The following DYM variants were observed in gnomAD, a reference collection of about 807,000 sequenced individuals.
DYM encodes dymeclin.
Under a neutral mutation model 93.1 loss-of-function variants are expected in DYM, and 78 were observed. The observed-to-expected ratio is 0.84, with a 90% confidence interval of 0.70 to 1.01. DYM has a LOEUF of 1.01. DYM is among the 50% of genes least tolerant of loss of function. The probability of loss-of-function intolerance (pLI) is 0.00; values close to 1 mark genes in which losing one functional copy is unlikely to be tolerated. For synonymous variants in DYM, 321 were observed against 319.7 expected, an observed-to-expected ratio of 1.00 and a Z score of -0.04; for missense variants, 789 against 845.0, an observed-to-expected ratio of 0.93 and a Z score of 0.82.
intron 17 of DYM, among the ~76,000 whole-genome samples, chr18:49,044,690 G>A (rs1455392755): frequency 1.3e-5 from 2 of 152,220 alleles, no homozygotes; most frequent in African/African-American, 4.8e-5. Context: ...CCGGTGGAGG[G>A]GGGCTACTCT....
At chr18:49,154,337 T>C (rs2086144890) in intron 15 of DYM, among the ~76,000 whole-genome samples, 1 of 152,184 alleles carries the variant, frequency 6.6e-6, no homozygotes, top group African/African-American at 2.4e-5. Context: ...TGATAAATGT[T>C]ACATGATCAT....
intron 1 of DYM, among the ~76,000 whole-genome samples, chr18:49,455,032 T>C (rs2082863676): frequency 6.6e-6 from 1 of 151,436 alleles, no homozygotes; most frequent in Non-Finnish European, 1.5e-5. Context: ...TTCCACTCCT[T>C]AACCCACAAA....
chr18:49,121,180 C>T (rs2082345950), intron 15 of DYM, among the ~76,000 whole-genome samples: 1 of 152,132 alleles, frequency 6.6e-6, no homozygotes, highest in Non-Finnish European at 1.5e-5. Flanking sequence ...GGAATTTCAG[C>T]AGAGTTAAAA....
At chr18:49,320,014 C>T (rs574113039) in intron 8 of DYM, among the ~76,000 whole-genome samples, 12 of 152,280 alleles carry the variant, frequency 7.9e-5, no homozygotes, top group African/African-American at 2.4e-4. Context: ...GAGCCATGTG[C>T]CATAATCCTA....
At chr18:49,317,551 T>TTCTCTCTCTCTCTCTC (rs796373730) in intron 8 of DYM, among the ~76,000 whole-genome samples, 2 of 29,370 alleles carry the variant, frequency 6.8e-5, no homozygotes, top group Non-Finnish European at 1.3e-4. Context: ...CCATCTAGAT[T>TTCTCTCTCTCTCTCTC]TCTCTCTCTC....
chr18:49,164,202 T>C (rs1034958740), intron 14 of DYM, among the ~76,000 whole-genome samples: 1 of 152,188 alleles, frequency 6.6e-6, no homozygotes, highest in African/African-American at 2.4e-5. Context: ...TCTACTGTCA[T>C]ACAGAGTCTA....
chr18:49,217,404 C>T (rs922442393), intron 13 of DYM, among the ~76,000 whole-genome samples: 16 of 152,064 alleles, frequency 1.1e-4, no homozygotes, highest in African/African-American at 1.9e-4. Flanking sequence ...ATACAGAGAA[C>T]GCCACAAAGA....
At chr18:49,421,201 C>T (rs1428463757) in intron 2 of DYM, among the ~76,000 whole-genome samples, 2 of 152,208 alleles carry the variant, frequency 1.3e-5, no homozygotes, top group African/African-American at 4.8e-5. Flanking sequence ...ACTGCCTCCT[C>T]AAGTGGGTCC....
At chr18:49,270,317 A>G (rs1387167153) in intron 11 of DYM, among the ~76,000 whole-genome samples, 2 of 152,222 alleles carry the variant, frequency 1.3e-5, no homozygotes, top group African/African-American at 4.8e-5. Flanking sequence ...AGATTATTCT[A>G]AGTGAAATAA....
intron 14 of DYM, among the ~76,000 whole-genome samples, chr18:49,193,707 A>C (rs1360099068): frequency 1.3e-5 from 2 of 152,252 alleles, no homozygotes; most frequent in Non-Finnish European, 2.9e-5. Flanking sequence ...CAATAAGATG[A>C]AACTTTGATC....
intron 10 of DYM, among the ~76,000 whole-genome samples, chr18:49,278,156 A>G (rs546748192): frequency 2.6e-5 from 4 of 152,370 alleles, no homozygotes; most frequent in African/African-American, 9.6e-5. Flanking sequence ...TAGTCCATCT[A>G]AAACAAGATA....
intron 17 of DYM, among the ~76,000 whole-genome samples, chr18:49,059,286 G>T (rs2075756466): frequency 6.6e-6 from 1 of 152,164 alleles, no homozygotes; most frequent in Admixed American, 6.5e-5. Context: ...TTTGATCTTA[G>T]ACTTCTCAGC....
At chr18:49,194,519 C>T (rs2091261940) in intron 14 of DYM, among the ~76,000 whole-genome samples, 1 of 152,208 alleles carries the variant, frequency 6.6e-6, no homozygotes, top group South Asian at 2.1e-4. Context: ...CCAAAATTCT[C>T]ATGACATCCT....
intron 15 of DYM, among the ~76,000 whole-genome samples, chr18:49,142,286 G>A (rs2084604097): frequency 2.0e-5 from 3 of 152,220 alleles, no homozygotes; most frequent in Admixed American, 6.5e-5. Flanking sequence ...ACAGTGTTGT[G>A]TTTATTTTCA....
At chr18:49,439,760 T>C (rs1296906823) in intron 1 of DYM, among the ~76,000 whole-genome samples, 2 of 152,016 alleles carry the variant, frequency 1.3e-5, no homozygotes, top group Non-Finnish European at 2.9e-5. Context: ...TTCCAGCACT[T>C]TGGGAGGCTA....
At chr18:49,439,569 C>G (rs147841669) in intron 1 of DYM, among the ~76,000 whole-genome samples, 30 of 152,202 alleles carry the variant, frequency 2.0e-4, no homozygotes, top group Admixed American at 3.9e-4. Flanking sequence ...AGAAATTACT[C>G]AAAAAATACT....
intron 16 of DYM, chr18:49,118,535 G>A: frequency 3.7e-6 from 2 of 538,746 alleles, no homozygotes; most frequent in Non-Finnish European, 6.6e-6. Flanking sequence ...ACTGTATGAA[G>A]TATGACTTCA....
intron 17 of DYM, among the ~76,000 whole-genome samples, chr18:49,067,752 G>C (rs2076585948): frequency 6.6e-6 from 1 of 152,140 alleles, no homozygotes; most frequent in South Asian, 2.1e-4. Context: ...ACAAAATAAA[G>C]TATGCCAGTT....
At chr18:49,154,405 T>A (rs1242189899) in intron 15 of DYM, among the ~76,000 whole-genome samples, 1 of 152,110 alleles carries the variant, frequency 6.6e-6, no homozygotes, top group Non-Finnish European at 1.5e-5. Context: ...TCATTTTTGT[T>A]TTTTTTGAGA....
Sources: allele counts gnomAD v4.1 joint callset (sites outside exome capture counted in the v4.1 genomes callset), GRCh38; gene constraint gnomAD v4.1.1; transcripts MANE v1.5; gene names NCBI Gene and HGNC (gene_info 2026-07-23, HGNC 2026-07-21).